The following LUZP2 variants were observed in gnomAD, a reference collection of about 807,000 sequenced individuals.
LUZP2 encodes the protein leucine zipper protein 2.
A neutral mutation model predicts 51.6 loss-of-function variants in LUZP2; 52 were observed. The observed-to-expected ratio is 1.01, with a 90% CI of 0.81 to 1.27. The LOEUF (loss-of-function observed/expected upper bound fraction) is 1.27, where lower values mean the gene tolerates loss of function less well. Ranked by LOEUF, LUZP2 falls within the 50% of genes most tolerant of loss-of-function variation. The pLI, the probability that LUZP2 is intolerant of heterozygous loss-of-function variation, is 0.00. For synonymous variants in LUZP2, 154 were observed against 137.3 expected, an observed-to-expected ratio of 1.12 and a Z score of -0.85; for missense variants, 436 against 395.4, an observed-to-expected ratio of 1.10 and a Z score of -0.87.
chr11:24,905,865 C>G, intron 5 of LUZP2, 126 bp from the exon 6 acceptor site: 3 of 582,968 alleles, frequency 5.1e-6, no homozygotes, highest in Non-Finnish European at 9.2e-6. Context: ...TTACACCAAT[C>G]CATTACATTT....
intron 1 of LUZP2, among the ~76,000 whole-genome samples, chr11:24,556,747 T>C (rs140973322): frequency 6.6e-4 from 100 of 152,294 alleles, no homozygotes; most frequent in African/African-American, 2.4e-3. Flanking sequence ...CTCTGTCCTA[T>C]ACATATTTTC....
chr11:24,892,455 C>G (rs892173950), intron 5 of LUZP2: 1 of 896,812 alleles, frequency 1.1e-6, no homozygotes, highest in African/African-American at 1.8e-5. Flanking sequence ...AACATTTATA[C>G]CATCCAGAAA....
Position 24,718,840 on chromosome 11 carries a change from G to A in LUZP2, c.63-10329G>A, listed in dbSNP as rs546809546. ...GTGTTAAGGCTATACAGTGTACAAC[G>A]GTGTGTGGGAAGTTCTTAAATACTA... On this transcript the variant is annotated intron_variant, in intron 1 of 11. Transcript: ENST00000336930. Among the ~76,000 whole-genome samples the A allele has an allele frequency of 2.5e-3, 388 of 152,222 alleles. 3 individuals are homozygous for A. The highest frequency in any genetic ancestry group is 8.8e-3 in the African/African-American group (366 of 41,518).
At chr11:24,784,342 A>T (rs1371830534) in intron 5 of LUZP2, among the ~76,000 whole-genome samples, 2 of 151,938 alleles carry the variant, frequency 1.3e-5, no homozygotes, top group African/African-American at 4.8e-5. Flanking sequence ...AAGAATCATT[A>T]AAAAATGTTT....
At chr11:24,690,657 AG>A (rs151330254) in intron 1 of LUZP2, among the ~76,000 whole-genome samples, 2,800 of 152,220 alleles carry the variant, frequency 0.018, 97 homozygotes, top group African/African-American at 0.064. Context: ...AGTTGAGTTG[AG>A]GCTATATAAC....
chr11:25,049,196 C>A (rs1442923242), intron 9 of LUZP2, among the ~76,000 whole-genome samples: 3 of 152,112 alleles, frequency 2.0e-5, no homozygotes, highest in Admixed American at 2.0e-4. Flanking sequence ...AACCTAATTT[C>A]TTCCTCTCCT....
At chr11:24,932,785 C>T (rs576605670) in intron 7 of LUZP2, among the ~76,000 whole-genome samples, 9 of 152,348 alleles carry the variant, frequency 5.9e-5, no homozygotes, top group Admixed American at 5.9e-4. Flanking sequence ...GCCGCAGCTT[C>T]TGTGTAGTGG....
intron 10 of LUZP2, among the ~76,000 whole-genome samples, chr11:25,052,602 G>T (rs1858552379): frequency 6.6e-6 from 1 of 152,116 alleles, no homozygotes; most frequent in African/African-American, 2.4e-5. Flanking sequence ...TATAAATTTA[G>T]CCATAATATT....
intron 4 of LUZP2, among the ~76,000 whole-genome samples, chr11:24,756,279 A>G (rs1024538149): frequency 2.6e-5 from 4 of 152,206 alleles, no homozygotes; most frequent in African/African-American, 9.7e-5. Flanking sequence ...GCAAGCTGTA[A>G]CCTAACCACC....
intron 1 of LUZP2, among the ~76,000 whole-genome samples, chr11:24,715,595 C>T (rs1565095041): frequency 2.6e-5 from 4 of 152,102 alleles, no homozygotes; most frequent in Admixed American, 2.6e-4. Flanking sequence ...TTCCCCTTTA[C>T]GATATTTAAT....
At chr11:25,049,027 A>G (rs1858405289) in intron 9 of LUZP2, among the ~76,000 whole-genome samples, 1 of 152,080 alleles carries the variant, frequency 6.6e-6, no homozygotes, top group Non-Finnish European at 1.5e-5. Flanking sequence ...TTATAAAGAT[A>G]TTGTTTTTGT....
At chr11:24,575,240 G>A (rs1332593927) in intron 1 of LUZP2, among the ~76,000 whole-genome samples, 1 of 151,952 alleles carries the variant, frequency 6.6e-6, no homozygotes, top group Non-Finnish European at 1.5e-5. Context: ...AAATTTTCAG[G>A]GTGTTTTCTT....
At chr11:24,880,681 G>A (rs1049867612) in intron 5 of LUZP2, among the ~76,000 whole-genome samples, 10 of 151,994 alleles carry the variant, frequency 6.6e-5, no homozygotes, top group Admixed American at 5.9e-4. Context: ...TCTTAAGGCT[G>A]TAGGTTGTCT....
At chr11:24,673,811 A>T (rs905195840) in intron 1 of LUZP2, among the ~76,000 whole-genome samples, 2 of 152,204 alleles carry the variant, frequency 1.3e-5, no homozygotes, top group African/African-American at 4.8e-5. Flanking sequence ...TTCTTTTTAA[A>T]GCAAAGGTTC....
chr11:24,924,651 G>A (rs1854173253), intron 7 of LUZP2, among the ~76,000 whole-genome samples: 1 of 152,156 alleles, frequency 6.6e-6, no homozygotes, highest in Admixed American at 6.6e-5. Flanking sequence ...AAAATCCTGA[G>A]AATGTGTGCT....
chr11:24,889,156 G>T (rs377076365), intron 5 of LUZP2, among the ~76,000 whole-genome samples: 168 of 152,202 alleles, frequency 1.1e-3, no homozygotes, highest in African/African-American at 3.8e-3. Context: ...GTAAAATATG[G>T]CATTAGCCTA....
At chr11:24,747,126 T>C (rs1213151762) in intron 4 of LUZP2, among the ~76,000 whole-genome samples, 1 of 152,178 alleles carries the variant, frequency 6.6e-6, no homozygotes, top group Non-Finnish European at 1.5e-5. Flanking sequence ...AGAGCCTTGC[T>C]TTGTCATATT....
chr11:24,630,523 G>T (rs1025381073), intron 1 of LUZP2, among the ~76,000 whole-genome samples: 1 of 151,828 alleles, frequency 6.6e-6, no homozygotes, highest in Non-Finnish European at 1.5e-5. Flanking sequence ...ATTTCTGGGT[G>T]CTATATTCTG....
At chr11:24,679,943 C>A (rs988386055) in intron 1 of LUZP2, among the ~76,000 whole-genome samples, 1 of 152,074 alleles carries the variant, frequency 6.6e-6, no homozygotes, top group Non-Finnish European at 1.5e-5. Flanking sequence ...CTGTGCTGAG[C>A]GATGAAGTGC....
Sources: gnomAD v4.1 joint callset for allele counts (sites outside exome capture counted in the v4.1 genomes callset) on GRCh38, gnomAD v4.1.1 for gene constraint, MANE v1.5 for transcripts, NCBI Gene and HGNC (gene_info 2026-07-23, HGNC 2026-07-21) for gene names.